BBOF1: variants seen among roughly 807,000 people sequenced by gnomAD.
BBOF1 encodes the protein basal body-orientation factor 1.
A neutral mutation model predicts 68.0 loss-of-function variants in BBOF1; 62 were observed. The observed-to-expected ratio is 0.91, with a 90% CI of 0.74 to 1.13. The LOEUF (loss-of-function observed/expected upper bound fraction) is 1.13, where lower values mean the gene tolerates loss of function less well. Among genes scored for constraint, BBOF1 ranks in the 50% most tolerant of loss-of-function variants. The pLI is 0.00. For missense variants in BBOF1, 534 were observed against 600.1 expected (o/e 0.89, Z 1.15); for synonymous variants, 208 against 198.8 (o/e 1.05, Z -0.39).
At position 74,019,496 on chromosome 14, in the gene BBOF1, G is replaced by T. The variant is rs879931110; in HGVS notation, c.18G>T (p.Lys6Asn). ...AAGCCAAGATGCCGTCGAAGGGAAA[G>T]GACAAAAAGAAAGGCAAGAGCAAAG... MPSKG[K>N]DKKKGKSKGK... is the part of the protein sequence containing the mutation. The change falls in exon 1 of 12, where the codon AAG becomes AAT. Residue 6 changes from lysine (K) to asparagine (N), a missense_variant. By Grantham distance (94) the Lys-to-Asn change is moderately conservative. Transcript: ENST00000394009. 1.2e-6 allele frequency: 2 copies of T among 1,605,978 alleles called. No individual in the cohort carries two copies. Among genetic ancestry groups the T allele is most frequent in the Admixed American group, 3.4e-5 (2 of 59,048 alleles).
chr14:74,043,796 G>GTGC (rs1220030235), intron 5 of BBOF1, among the ~76,000 whole-genome samples: 2 of 149,960 alleles, frequency 1.3e-5, no homozygotes, highest in African/African-American at 4.9e-5. Flanking sequence ...GCCTCCCAAA[G>GTGC]TGCTGGGATT....
At chr14:74,047,231 A>G (rs1387156731) in intron 6 of BBOF1, among the ~76,000 whole-genome samples, 2 of 152,162 alleles carry the variant, frequency 1.3e-5, no homozygotes, top group African/African-American at 4.8e-5. Context: ...TCATCGAACA[A>G]TCCTGTATGG....
intron 8 of BBOF1, among the ~76,000 whole-genome samples, chr14:74,054,119 G>A (rs1043733276): frequency 2.6e-5 from 4 of 151,318 alleles, no homozygotes; most frequent in Non-Finnish European, 4.4e-5. Flanking sequence ...CTCGTGATCC[G>A]CCCGCCTCGT....
intron 9 of BBOF1, chr14:74,074,850 A>G: frequency 1.1e-5 from 13 of 1,201,612 alleles, no homozygotes; most frequent in Non-Finnish European, 1.6e-5. Flanking sequence ...AAAAACTAGA[A>G]AGTTTCACAT....
downstream of BBOF1, chr14:74,067,232 A>C (rs2060481187): frequency 1.0e-6 from 1 of 987,052 alleles, no homozygotes; most frequent in African/African-American, 1.6e-5. Flanking sequence ...ACTGCTAACA[A>C]GATGACTCCA....
At position 74,072,184 on chromosome 14, in the gene BBOF1, T is replaced by C. The variant is rs112558893; in HGVS notation, n.1380-6012T>C. The C allele has an allele frequency of 2.7e-5, 43 of 1,614,050 alleles. No homozygotes were observed. Among genetic ancestry groups the C allele is most frequent in the Middle Eastern group, 3.3e-4 (2 of 6,084 alleles). On this transcript the variant is annotated intron_variant and non_coding_transcript_variant, in intron 9 of 12. Coordinates refer to the BBOF1 transcript ENST00000492026. ...CCCTAGGTGACAGTTTGGAAAAGCA[T>C]ACCATTTAGATTTCATACCAAGTTT... is the stretch of plus-strand genomic sequence containing the variant.
At position 74,057,058 on chromosome 14, in the gene BBOF1, A is replaced by C; in HGVS notation, c.1463+78A>C. On this transcript the variant is annotated intron_variant, in intron 10 of 11. Transcript: ENST00000394009. ...GTGGGCATCTTGAATGTGCTAATTG[A>C]AAGTAATATGACAAGTCTGTTATTC... 3.1e-6 allele frequency: 5 copies of C among 1,592,790 alleles called. No individual in the cohort carries two copies. The South Asian group carries it at 5.6e-5, about 18-fold the overall frequency.
chr14:74,043,251 A>T (rs544407222), intron 5 of BBOF1, among the ~76,000 whole-genome samples: 6 of 152,014 alleles, frequency 3.9e-5, no homozygotes, highest in South Asian at 2.1e-4. Context: ...ATATATATAT[A>T]TTTTTTAAGA....
downstream of BBOF1, chr14:74,069,008 C>T (rs748916932): frequency 1.2e-6 from 2 of 1,608,744 alleles, no homozygotes; most frequent in East Asian, 2.2e-5. Flanking sequence ...AATGATCACT[C>T]ACAAAGGAGC....
Position 74,055,636 on chromosome 14 carries a change from G to A in BBOF1, c.1339G>A (p.Glu447Lys), listed in dbSNP as rs762933808. Residue 447 changes from glutamate (E) to lysine (K), a missense_variant, in exon 9 of 12, where the codon GAA (glutamate) becomes AAA (lysine). Glu to Lys is a moderately conservative substitution (Grantham distance 56). Transcript: ENST00000394009. ...TGGAGATTTGACCTGGGAGCAGAAG[G>A]AAAAAGTATTGCGATTGCTCTTTGC... ...DIGDLTWEQK[E>K]KVLRLLFAKM... 2 of 1,613,930 alleles carry A rather than the reference G, an allele frequency of 1.2e-6. No homozygotes were observed. Among genetic ancestry groups the A allele is most frequent in the Non-Finnish European group, 1.7e-6 (2 of 1,179,938 alleles).
chr14:74,052,945 AGCC>A (rs2060100797), intron 8 of BBOF1, among the ~76,000 whole-genome samples: 1 of 708 alleles, frequency 1.4e-3, no homozygotes, highest in Non-Finnish European at 2.5e-3. Context: ...GGCTGCAGTG[AGCC>A]ATGGCTGCAG....
At chr14:74,053,185 T>A (rs1207362724) in intron 8 of BBOF1, among the ~76,000 whole-genome samples, 2 of 151,878 alleles carry the variant, frequency 1.3e-5, no homozygotes, top group Non-Finnish European at 2.9e-5. Context: ...CGATCTTGGC[T>A]CACTGCATCC....
chr14:74,033,224 C>T (rs953479405), intron 3 of BBOF1, among the ~76,000 whole-genome samples: 1 of 151,628 alleles, frequency 6.6e-6, no homozygotes, highest in Non-Finnish European at 1.5e-5. Context: ...AAATTTTTTT[C>T]TTATTCAATG....
At position 74,056,971 on chromosome 14, in the gene BBOF1, AG is replaced by A. The variant is rs751562273; in HGVS notation, c.1456del (p.Glu486AsnfsTer48). 1 of 1,613,380 alleles carries A rather than the reference AG, an allele frequency of 6.2e-7. No individual in the cohort carries two copies. Among genetic ancestry groups the A allele is most frequent in the East Asian group, 2.2e-5 (1 of 44,876 alleles). Reference sequence around the variant, plus strand: ...GTTGTTTCTGACAGTGGGGAAACAAAGGAATTTGGGTAAGAGCTCTCTTGCT... The same window carrying A: ...GTTGTTTCTGACAGTGGGGAAACAAAGAATTTGGGTAAGAGCTCTCTTGCT... Reference protein sequence around the residue: ...DYVVSDSGETKEFGDESKLQD... With the variant: ...DYVVSDSGETXEFGDESKLQD... On this transcript the variant is annotated frameshift_variant, in exon 10 of 12. Coordinates refer to ENST00000394009, the MANE Select transcript of BBOF1 (RefSeq NM_025057.3). LOFTEE classifies it high-confidence loss of function.
chr14:74,052,532 C>A (rs2060090646), intron 8 of BBOF1, among the ~76,000 whole-genome samples: 1 of 151,988 alleles, frequency 6.6e-6, no homozygotes, highest in Non-Finnish European at 1.5e-5. Flanking sequence ...GTAATCCCAG[C>A]TACTCAGGAG....
intron 11 of BBOF1, chr14:74,059,321 G>C: frequency 2.2e-6 from 1 of 453,954 alleles, no homozygotes; most frequent in Non-Finnish European, 4.4e-6. Flanking sequence ...GCTTAAGGCA[G>C]GTGTCTTACC....
At chr14:74,080,736 C>T (rs931555632) in intron 10 of BBOF1, among the ~76,000 whole-genome samples, 1 of 152,214 alleles carries the variant, frequency 6.6e-6, no homozygotes, top group Non-Finnish European at 1.5e-5. Context: ...AGCCATCACA[C>T]CCAGCCTACT....
downstream of BBOF1, chr14:74,068,732 T>C: frequency 1.8e-6 from 2 of 1,138,900 alleles, no homozygotes; most frequent in Non-Finnish European, 2.5e-6. Context: ...ACAGAGAGAC[T>C]CTGTCTCAAA....
intron 8 of BBOF1, among the ~76,000 whole-genome samples, chr14:74,051,409 T>A (rs1434584536): frequency 6.6e-6 from 1 of 151,554 alleles, no homozygotes; most frequent in Non-Finnish European, 1.5e-5. Flanking sequence ...TGAGACCCTG[T>A]TTCAAAAAAA....
Sources: gnomAD v4.1 joint callset for allele counts (sites outside exome capture counted in the v4.1 genomes callset) on GRCh38, gnomAD v4.1.1 for gene constraint, MANE v1.5 for transcripts, NCBI Gene and HGNC (gene_info 2026-07-23, HGNC 2026-07-21) for gene names.